The following USP9X variants were observed in gnomAD, a reference collection of about 807,000 sequenced individuals.
USP9X encodes ubiquitin specific peptidase 9 X-linked, also known as ubiquitin carboxyl-terminal hydrolase 9X.
A neutral mutation model predicts 190.3 loss-of-function variants in USP9X; 7 were observed. The ratio of observed to expected loss-of-function variants is 0.04; its 90% confidence interval spans 0.02 to 0.07. USP9X has a LOEUF of 0.07. USP9X is among the 10% of genes least tolerant of loss of function. The probability of loss-of-function intolerance (pLI) is 1.00; values close to 1 mark genes in which losing one functional copy is unlikely to be tolerated. For synonymous variants in USP9X, 645 were observed against 659.5 expected, an observed-to-expected ratio of 0.98 and a Z score of 0.34; for missense variants, 1,010 against 1,916.9, an observed-to-expected ratio of 0.53 and a Z score of 8.83.
At chrX:41,175,467 G>A (rs1352320490) in intron 21 of USP9X, among the ~76,000 whole-genome samples, 1 of 109,850 alleles carries the variant, frequency 9.1e-6, no homozygotes. Flanking sequence ...ACTGCATTGA[G>A]CTATATGATC....
chrX:41,218,034 A>G (rs747319939), intron 36 of USP9X, among the ~76,000 whole-genome samples: 1 of 112,511 alleles, frequency 8.9e-6, no homozygotes, highest in East Asian at 2.8e-4. Context: ...CTAATTGTGA[A>G]AGTATAGAGG....
chrX:41,100,251 T>G (rs934517977), intron 1 of USP9X, among the ~76,000 whole-genome samples: 2 of 112,407 alleles, frequency 1.8e-5, no homozygotes, highest in Non-Finnish European at 3.8e-5. Flanking sequence ...TGTGTGAGGA[T>G]CTATGAAATT....
At chrX:41,132,853 G>A (rs1177825571) in intron 4 of USP9X, among the ~76,000 whole-genome samples, 2 of 110,707 alleles carry the variant, frequency 1.8e-5, no homozygotes, top group African/African-American at 3.3e-5. Flanking sequence ...GAAATCTGGT[G>A]TTTTTACTCA....
At position 41,216,487 on chromosome X, in the gene USP9X, A is replaced by T; in HGVS notation, c.5920A>T (p.Ile1974Phe). ...GATAAGATATATATCAGAGCTTGCT[A>T]TCACCACCAGACCTCATCAGATTAT... The part of the protein sequence containing the change: ...ELIRYISELA[I>F]TTRPHQIIMP... Residue 1974 changes from isoleucine to phenylalanine, a missense_variant, in exon 35 of 45, where the codon ATC becomes TTC. By Grantham distance (21) the Ile-to-Phe change is conservative. Around this residue, in one of 11 missense-constraint regions of USP9X, gnomAD observed 31 missense variants for 27.2 expected, o/e 1.14. Transcript: ENST00000378308. 8.3e-7 allele frequency: 1 copy of T among 1,211,801 alleles called. No individual in the cohort carries two copies. Among genetic ancestry groups the T allele is most frequent in the Non-Finnish European group, 1.1e-6 (1 of 895,559 alleles).
At position 41,184,499 on chromosome X, in the gene USP9X, A is replaced by T. The variant is rs1274391019; in HGVS notation, c.3382A>T (p.Ser1128Cys). The T allele has an allele frequency of 2.5e-6, 3 of 1,210,923 alleles. No individual in the cohort carries two copies. Among genetic ancestry groups the T allele is most frequent in the Admixed American group, 2.2e-5 (1 of 45,894 alleles). The change falls in exon 23 of 45, where the codon AGT (serine) becomes TGT (cysteine). Residue 1128 changes from serine to cysteine, a missense_variant. Ser to Cys is a moderately radical substitution (Grantham distance 112). Transcript: ENST00000378308. ...AAGTGGTGGCCTACCCCTTGTACTGAGTATGCTAACCAGAAATAACTTCCT... is the reference window on the plus strand; with the variant it reads ...AAGTGGTGGCCTACCCCTTGTACTGTGTATGCTAACCAGAAATAACTTCCT... ...LKSGGLPLVL[S>C]MLTRNNFLPN...
At chrX:41,149,781 G>T (rs1325004487) in intron 12 of USP9X, among the ~76,000 whole-genome samples, 1 of 109,260 alleles carries the variant, frequency 9.2e-6, no homozygotes, top group Non-Finnish European at 1.9e-5. Context: ...TCGGCTCACT[G>T]CAACCTCCGC....
At chrX:41,230,057 C>T (rs982181285) in intron 43 of USP9X, among the ~76,000 whole-genome samples, 1 of 111,014 alleles carries the variant, frequency 9.0e-6, no homozygotes. Context: ...AAAAATTAGT[C>T]GGGCGTGGTG....
At chrX:41,095,628 G>A (rs2061984550) in intron 1 of USP9X, among the ~76,000 whole-genome samples, 1 of 112,116 alleles carries the variant, frequency 8.9e-6, no homozygotes, top group South Asian at 3.7e-4. Context: ...ACTGGGAGGG[G>A]AGGGGTTATG....
rs1179569481 is a variant in USP9X, at chrX:41,111,907, A to G, written c.-158-11564A>G. On this transcript the variant is annotated intron_variant, in intron 1 of 44. Transcript: ENST00000378308. ...GTTGCCCAGGCTGGAGTGCGGTGGC[A>G]CAATCTTGGCTCACTGCAACCTCCA... is the stretch of plus-strand genomic sequence containing the variant. 2.9e-5 allele frequency among the ~76,000 whole-genome samples: 3 copies of G among 104,582 alleles called. No homozygotes were observed. The Admixed American group carries it at 3.2e-4, about 11-fold the overall frequency. 90.8% of individuals were successfully genotyped at this position (104,582 alleles called of 115,157 possible).
chrX:41,114,414 C>T (rs920984355), intron 1 of USP9X, among the ~76,000 whole-genome samples: 6 of 110,689 alleles, frequency 5.4e-5, no homozygotes, highest in African/African-American at 2.0e-4. Flanking sequence ...TGTAATTTTA[C>T]TTTATTGGTA....
In USP9X at chrX:41,227,769, C is replaced by T. The variant is rs370073694; in HGVS notation, c.7062-1484C>T. 7.3e-5 allele frequency among the ~76,000 whole-genome samples: 8 copies of T among 110,140 alleles called. No individual in the cohort carries two copies. In the East Asian group the frequency reaches 1.4e-3, roughly 20 times the overall value. On this transcript the variant is annotated intron_variant, in intron 41 of 44. Transcript: ENST00000378308. ...AGGCTGGAGTGCAGTGGCGCGATCT[C>T]GGCTCACTGCAAGCTCCGCCTCCCG... is the stretch of plus-strand genomic sequence containing the variant.
chrX:41,224,192 G>A (rs762876652), intron 39 of USP9X, among the ~76,000 whole-genome samples: 1 of 110,148 alleles, frequency 9.1e-6, no homozygotes, highest in South Asian at 3.9e-4. Flanking sequence ...AGGTGACACA[G>A]TGAGACCCTG....
intron 6 of USP9X, among the ~76,000 whole-genome samples, chrX:41,137,626 G>T (rs922950748): frequency 9.0e-6 from 1 of 110,651 alleles, no homozygotes; most frequent in Non-Finnish European, 1.9e-5. Flanking sequence ...TATAGGTCTT[G>T]TACAAATTTC....
At chrX:41,147,284 T>C (rs1217860550) in intron 11 of USP9X, among the ~76,000 whole-genome samples, 2 of 110,242 alleles carry the variant, frequency 1.8e-5, no homozygotes, top group Non-Finnish European at 3.8e-5. Flanking sequence ...TAGAGGTTTT[T>C]AATTGTAATC....
chrX:41,090,143 G>A (rs1187174099), intron 1 of USP9X, among the ~76,000 whole-genome samples: 12 of 108,699 alleles, frequency 1.1e-4, no homozygotes, highest in African/African-American at 3.7e-4. Flanking sequence ...CTGGGCTCAA[G>A]CTGTCTGCCT....
chrX:41,208,810 C>G (rs966062766), intron 32 of USP9X, among the ~76,000 whole-genome samples: 1 of 110,023 alleles, frequency 9.1e-6, no homozygotes, highest in Non-Finnish European at 1.9e-5. Flanking sequence ...TGGGTTCACA[C>G]CATTCTCCTG....
chrX:41,156,430 C>G (rs1255781312), intron 14 of USP9X, among the ~76,000 whole-genome samples: 1 of 111,936 alleles, frequency 8.9e-6, no homozygotes, highest in African/African-American at 3.3e-5. Context: ...GGCAGAAGCT[C>G]TGTTCCAGGC....
At chrX:41,225,269 G>A (rs2147267058) in intron 41 of USP9X, 132 bp downstream of exon 41, 4 of 515,515 alleles carry the variant, frequency 7.8e-6, no homozygotes, top group East Asian at 3.6e-5. Flanking sequence ...CCTAGGACAA[G>A]GGTAAATAAC....
Position 41,216,655 on chromosome X carries a change from G to A in USP9X, c.6085+3G>A, listed in dbSNP as rs951635102. 4 of 1,190,599 alleles carry A rather than the reference G, an allele frequency of 3.4e-6. No individual in the cohort carries two copies. The highest frequency in any genetic ancestry group is 4.5e-6 in the Non-Finnish European group (4 of 884,295). On this transcript the variant is annotated splice_donor_region_variant and intron_variant, in intron 35 of 44. Transcript: ENST00000378308. ...CGTTTACTTAAACCCTCCTCCCGGT[G>A]AGTATCAAGAGAGTTTAGCTTCTTA...
Sources: gnomAD v4.1 joint callset for allele counts (sites outside exome capture counted in the v4.1 genomes callset) on GRCh38, gnomAD v4.1.1 for gene constraint, gnomAD v4.1.1 regional missense constraint, MANE v1.5 for transcripts, NCBI Gene and HGNC (gene_info 2026-07-23, HGNC 2026-07-21) for gene names.